Variants in LONRF3 observed in about 807,000 individuals in gnomAD.
LONRF3 encodes the protein LON peptidase N-terminal domain and ring finger 3, also known as LON peptidase N-terminal domain and RING finger protein 3.
LONRF3 carries 19 observed loss-of-function variants against 51.7 expected under a neutral mutation model. That is an observed-to-expected ratio of 0.37 (90% CI 0.26 to 0.54). LONRF3 has a LOEUF of 0.54. LONRF3 is among the 20% of genes least tolerant of loss of function. The pLI, the probability that LONRF3 is intolerant of heterozygous loss-of-function variation, is 0.86. For missense variants in LONRF3, 521 were observed against 623.9 expected (o/e 0.84, Z 1.76); for synonymous variants, 265 against 257.8 (o/e 1.03, Z -0.27).
intron 10 of LONRF3, 80 bp downstream of exon 10, chrX:119,014,436 G>A: frequency 1.1e-6 from 1 of 919,196 alleles, no homozygotes; most frequent in African/African-American, 2.0e-5. Flanking sequence ...TGGGTATGTG[G>A]CTGCCATTCA....
chrX:118,979,326 C>A (rs1432564576), intron 2 of LONRF3, among the ~76,000 whole-genome samples: 1 of 105,695 alleles, frequency 9.5e-6, no homozygotes, highest in Non-Finnish European at 1.9e-5. Context: ...CGGAGTCTCA[C>A]TCTGCCACTC....
chrX:118,992,075 T>C (rs151236086), intron 5 of LONRF3, among the ~76,000 whole-genome samples: 4 of 112,179 alleles, frequency 3.6e-5, no homozygotes, highest in East Asian at 2.8e-4. Flanking sequence ...GCTGAGATAT[T>C]TGCACAAAAA....
intron 1 of LONRF3, among the ~76,000 whole-genome samples, chrX:118,977,249 A>G (rs896683599): frequency 9.0e-6 from 1 of 111,033 alleles, no homozygotes; most frequent in African/African-American, 3.3e-5. Flanking sequence ...AATATGAATG[A>G]GGCAGGTGGA....
intron 3 of LONRF3, chrX:118,987,148 G>GT: frequency 2.2e-6 from 2 of 907,245 alleles, no homozygotes; most frequent in Non-Finnish European, 3.0e-6. Flanking sequence ...AACGTGGGGA[G>GT]TGAGCCCTCC....
chrX:118,975,705 GGCGGGGGACCCATGGACTGTGGCGGGGT>G, intron 1 of LONRF3, 108 bp downstream of exon 1: 1 of 644,621 alleles, frequency 1.6e-6, no homozygotes, highest in Non-Finnish European at 2.2e-6. Context: ...CAGAAGAGGG[GGCGGGGGACCCATGGACTGTGGCGGGGT>G]GGGGGAGGGG....
intron 3 of LONRF3, 67 bp from the exon 4 acceptor site, chrX:118,989,341 G>C (rs1923240292): frequency 8.8e-7 from 1 of 1,134,804 alleles, no homozygotes; most frequent in African/African-American, 1.8e-5. Flanking sequence ...TGTTCCTCTG[G>C]GTAGGAATAT....
chrX:118,999,306 C>G (rs1407925920), intron 5 of LONRF3, among the ~76,000 whole-genome samples: 1 of 111,585 alleles, frequency 9.0e-6, no homozygotes, highest in African/African-American at 3.3e-5. Context: ...GCTAAATGAG[C>G]AGGTTCCTTT....
At chrX:118,979,438 C>T (rs749378682) in intron 2 of LONRF3, among the ~76,000 whole-genome samples, 79 of 110,752 alleles carry the variant, frequency 7.1e-4, no homozygotes, top group Non-Finnish European at 1.3e-3. Context: ...GGATCACAGG[C>T]GTGTGCCACC....
In LONRF3 at chrX:119,013,298, GC is replaced by G. The variant is rs1279395954; in HGVS notation, c.1974+99del. On this transcript the variant is annotated intron_variant, in intron 9 of 10. Coordinates refer to ENST00000371628, the MANE Select transcript of LONRF3 (RefSeq NM_001031855.3). ...AAAGGATTTCTCAGAACCCTTGAGG[GC>G]CTTGGGATTTCACACCAAATTGCTG... The G allele has an allele frequency of 3.3e-6, 3 of 898,517 alleles. No homozygotes were observed. The African/African-American group carries it at 6.0e-5, about 18-fold the overall frequency. The allele number at this position is 898,517 out of a possible 1,213,427, so 74.0% of individuals were successfully genotyped here.
intron 3 of LONRF3, among the ~76,000 whole-genome samples, chrX:118,984,632 G>A (rs371812668): frequency 1.8e-5 from 2 of 112,384 alleles, no homozygotes; most frequent in East Asian, 5.6e-4. Flanking sequence ...GAGACCCAAA[G>A]AGGCATAAGT....
chrX:119,014,130 C>T (rs981720800), intron 9 of LONRF3, 77 bp from the exon 10 acceptor site: 2 of 1,048,335 alleles, frequency 1.9e-6, no homozygotes, highest in East Asian at 3.0e-5. Context: ...ATGCTCAAAG[C>T]GAATCAGGTG....
rs776369224 is a variant in LONRF3 at position 118,982,937 on chromosome X, C to T, written c.1053C>T (p.Ala351=). The T allele has an allele frequency of 6.6e-6, 8 of 1,206,915 alleles. No homozygotes were observed. In the South Asian group the frequency reaches 1.4e-4, roughly 21 times the overall value. Residue 351 remains alanine (A), a synonymous_variant, in exon 3 of 11, where the codon GCC becomes GCT. Transcript: ENST00000371628. ...AGAACAAGAGAGCAAGATGTGAAGC[C>T]CAAAGAGTGAGTTGAAATGACATCA... The part of the protein sequence containing the change: ...DGKNKRARCE[A]QRDNLELPHC...
At chrX:118,979,233 G>A (rs1342494210) in intron 2 of LONRF3, among the ~76,000 whole-genome samples, 1 of 109,322 alleles carries the variant, frequency 9.1e-6, no homozygotes, top group East Asian at 2.9e-4. Context: ...TCGATCTCCT[G>A]ACCTCATGAT....
At chrX:118,976,075 C>A (rs1255885482) in intron 1 of LONRF3, among the ~76,000 whole-genome samples, 1 of 113,006 alleles carries the variant, frequency 8.8e-6, no homozygotes. Flanking sequence ...CTCGCACTTG[C>A]GCCCGGTCCT....
At position 119,009,247 on chromosome X, in the gene LONRF3, A is replaced by C; in HGVS notation, c.1652A>C (p.Asn551Thr). ...LYEEEMEELS[N>T]LNKNVPIFVC... ...GAAGAGGAAATGGAAGAACTTTCTA[A>C]GTATGTATATGCATATTTCTGTTTT... The change falls in exon 7 of 11, where the codon AAC (asparagine) becomes ACC (threonine). Residue 551 changes from asparagine to threonine, a missense_variant and splice_region_variant. Coordinates refer to ENST00000371628, the MANE Select transcript of LONRF3 (RefSeq NM_001031855.3). 8.3e-7 allele frequency: 1 copy of C among 1,206,275 alleles called. No individual in the cohort carries two copies. Among genetic ancestry groups the C allele is most frequent in the Admixed American group, 2.2e-5 (1 of 45,632 alleles).
intron 2 of LONRF3, 152 bp downstream of exon 2, chrX:118,978,615 G>C (rs1039938752): frequency 3.2e-5 from 13 of 409,663 alleles, no homozygotes; most frequent in African/African-American, 3.0e-4. Flanking sequence ...CCTGGGCAAA[G>C]AGTGACTCAG....
intron 5 of LONRF3, among the ~76,000 whole-genome samples, chrX:118,997,722 T>G (rs185291058): frequency 1.6e-3 from 185 of 112,662 alleles, no homozygotes; most frequent in African/African-American, 5.2e-3. Context: ...CTTCACTATC[T>G]GTACATCTGA....
chrX:118,989,302 G>A (rs1923236698), intron 3 of LONRF3, 106 bp from the exon 4 acceptor site: 1 of 926,750 alleles, frequency 1.1e-6, no homozygotes, highest in Non-Finnish European at 1.5e-6. Flanking sequence ...TGAGTTCGGG[G>A]TGGGGATCAG....
Position 119,009,113 on chromosome X carries a change from TC to T in LONRF3, c.1531-7del, listed in dbSNP as rs756738560. 1.6e-4 allele frequency: 197 copies of T among 1,195,087 alleles called. No individual in the cohort carries two copies. The highest frequency in any genetic ancestry group is 3.0e-4 in the African/African-American group (17 of 56,407). ...CCTAATTGCATATTGTCTAATTGCC[TC>T]CCCCCATGTAGTGCTTGGCATCAAG... is the stretch of plus-strand genomic sequence containing the variant. On this transcript the variant is annotated splice_polypyrimidine_tract_variant and intron_variant, in intron 6 of 10. Transcript: ENST00000371628.
Sources: gnomAD v4.1 joint callset for allele counts (sites outside exome capture counted in the v4.1 genomes callset) on GRCh38, gnomAD v4.1.1 for gene constraint, MANE v1.5 for transcripts, NCBI Gene and HGNC (gene_info 2026-07-23, HGNC 2026-07-21) for gene names.